Variants in ATP10B observed in about 807,000 individuals in gnomAD.
ATP10B encodes phospholipid-transporting ATPase VB.
ATP10B carries 122 observed loss-of-function variants against 141.2 expected under a neutral mutation model. That is an observed-to-expected ratio of 0.86 (90% CI 0.75 to 1.00). The LOEUF is 1.00. Ranked by LOEUF, ATP10B falls within the 50% of genes least tolerant of loss-of-function variation. The pLI, the probability that ATP10B is intolerant of heterozygous loss-of-function variation, is 0.00. For missense variants in ATP10B, 1,876 were observed against 1,825.3 expected, an observed-to-expected ratio of 1.03 and a Z score of -0.51; for synonymous variants, 685 against 692.0, an observed-to-expected ratio of 0.99 and a Z score of 0.16.
intron 2 of ATP10B, among the ~76,000 whole-genome samples, chr5:160,767,891 G>A (rs34129851): frequency 0.018 from 2,742 of 152,132 alleles, 67 homozygotes; most frequent in Middle Eastern, 0.051. Flanking sequence ...TTAAAGATGG[G>A]TGTTTTGTGT....
At chr5:160,755,762 C>G (rs1768488350) in intron 2 of ATP10B, among the ~76,000 whole-genome samples, 1 of 137,840 alleles carries the variant, frequency 7.3e-6, no homozygotes, top group Non-Finnish European at 1.5e-5. Context: ...TTGCAGTGAG[C>G]CGACATCCCG....
intron 24 of ATP10B, among the ~76,000 whole-genome samples, chr5:160,575,921 T>C (rs1755161853): frequency 6.6e-6 from 1 of 152,208 alleles, no homozygotes; most frequent in Non-Finnish European, 1.5e-5. Flanking sequence ...TCTCCCTTTC[T>C]TCATCCTGCT....
chr5:160,870,161 C>G, the ATP10B span, among the ~76,000 whole-genome samples: 12 of 152,140 alleles, frequency 7.9e-5, no homozygotes, highest in African/African-American at 2.9e-4. Flanking sequence ...GCCATCCTGT[C>G]CCATGCAAGG....
intron 6 of ATP10B, among the ~76,000 whole-genome samples, chr5:160,678,585 A>G (rs1763183689): frequency 6.6e-6 from 1 of 152,192 alleles, no homozygotes; most frequent in Non-Finnish European, 1.5e-5. Flanking sequence ...CCAGCCCGGG[A>G]GGCAGAGGTT....
chr5:160,641,208 T>C (rs1293429358), intron 9 of ATP10B, among the ~76,000 whole-genome samples: 1 of 152,156 alleles, frequency 6.6e-6, no homozygotes, highest in Non-Finnish European at 1.5e-5. Context: ...AAGGGAGGCC[T>C]GAAGGGAAAG....
chr5:160,594,057 G>A (rs187999341), intron 22 of ATP10B, among the ~76,000 whole-genome samples: 3 of 152,164 alleles, frequency 2.0e-5, no homozygotes, highest in South Asian at 2.1e-4. Context: ...GATAGTCCTC[G>A]AGAAGAGCAA....
At chr5:160,862,125 G>A in the ATP10B span, among the ~76,000 whole-genome samples, 1 of 151,948 alleles carries the variant, frequency 6.6e-6, no homozygotes, top group East Asian at 1.9e-4. Context: ...ATGGTGGTTA[G>A]TTTTCTGTGT....
At chr5:160,669,813 G>A (rs1762558800) in intron 7 of ATP10B, among the ~76,000 whole-genome samples, 1 of 149,800 alleles carries the variant, frequency 6.7e-6, no homozygotes, top group East Asian at 2.0e-4. Flanking sequence ...TGTTGGCCAG[G>A]ATGATCTGGA....
the ATP10B span, among the ~76,000 whole-genome samples, chr5:160,879,909 C>T: frequency 1.3e-5 from 2 of 151,844 alleles, no homozygotes; most frequent in African/African-American, 2.4e-5. Flanking sequence ...TTTCAGGATA[C>T]GAAGTTAACA....
chr5:160,679,973 C>T (rs910037149), intron 6 of ATP10B, among the ~76,000 whole-genome samples: 67 of 152,276 alleles, frequency 4.4e-4, no homozygotes, highest in Admixed American at 3.0e-3. Context: ...AATCTCTCCT[C>T]GAAGTCATTC....
At chr5:160,862,667 G>A in the ATP10B span, among the ~76,000 whole-genome samples, 1 of 151,882 alleles carries the variant, frequency 6.6e-6, no homozygotes, top group African/African-American at 2.4e-5. Context: ...CCAAAAGAGG[G>A]TATTTACCAA....
chr5:160,829,942 A>C (rs1041807117), intron 1 of ATP10B, among the ~76,000 whole-genome samples: 16 of 151,934 alleles, frequency 1.1e-4, no homozygotes, highest in Admixed American at 2.0e-4. Context: ...GATGCCTTTT[A>C]TTTCTTTCTC....
chr5:160,916,555 C>T, the ATP10B span, among the ~76,000 whole-genome samples: 1 of 152,156 alleles, frequency 6.6e-6, no homozygotes, highest in Non-Finnish European at 1.5e-5. Flanking sequence ...TCAGCATTGT[C>T]CTAAGCATCG....
chr5:160,873,947 C>G, the ATP10B span, among the ~76,000 whole-genome samples: 2,811 of 152,364 alleles, frequency 0.018, 41 homozygotes, highest in South Asian at 0.069. Flanking sequence ...AGGCGGCAGC[C>G]AGGCTGGGGG....
At chr5:160,708,464 T>C (rs1233963806) in intron 3 of ATP10B, among the ~76,000 whole-genome samples, 2 of 152,194 alleles carry the variant, frequency 1.3e-5, no homozygotes, top group African/African-American at 4.8e-5. Flanking sequence ...ACTTTTTACA[T>C]CTCCAATATA....
At chr5:160,636,975 T>A (rs1315669752) in intron 10 of ATP10B, among the ~76,000 whole-genome samples, 1 of 127,480 alleles carries the variant, frequency 7.8e-6, no homozygotes, top group East Asian at 2.4e-4. Context: ...CATCCATCAA[T>A]CCCTCCATCC....
At chr5:160,632,417 A>G (rs1459570944) in intron 12 of ATP10B, 50 bp from the exon 13 acceptor site, 2 of 1,563,986 alleles carry the variant, frequency 1.3e-6, no homozygotes, top group Non-Finnish European at 1.8e-6. Flanking sequence ...CGGCTGGACC[A>G]TGTTGGGGAA....
intron 3 of ATP10B, among the ~76,000 whole-genome samples, chr5:160,716,453 T>C (rs1437643547): frequency 6.6e-6 from 1 of 152,208 alleles, no homozygotes; most frequent in Non-Finnish European, 1.5e-5. Flanking sequence ...AAAGGTCTCA[T>C]AGCTGTCGGT....
chr5:160,699,979 G>C (rs1764585239), intron 3 of ATP10B, among the ~76,000 whole-genome samples: 1 of 152,132 alleles, frequency 6.6e-6, no homozygotes, highest in Non-Finnish European at 1.5e-5. Flanking sequence ...AACTATGAAA[G>C]GCATCATTTG....
Sources: allele counts gnomAD v4.1 joint callset (sites outside exome capture counted in the v4.1 genomes callset), GRCh38; gene constraint gnomAD v4.1.1; transcripts MANE v1.5; gene names NCBI Gene and HGNC (gene_info 2026-07-23, HGNC 2026-07-21).